The following ZNF439 variants were observed in gnomAD, a reference collection of about 807,000 sequenced individuals.
ZNF439 encodes the protein zinc finger protein 439.
A neutral mutation model predicts 47.3 loss-of-function variants in ZNF439; 40 were observed. The observed-to-expected ratio is 0.85, with a 90% CI of 0.66 to 1.10. ZNF439 has a LOEUF of 1.10. Among genes scored for constraint, ZNF439 ranks in the 50% least tolerant of loss-of-function variants. The pLI, the probability that ZNF439 is intolerant of heterozygous loss-of-function variation, is 0.00. For missense variants in ZNF439, 556 were observed against 601.1 expected (o/e 0.93, Z 0.78); for synonymous variants, 171 against 198.8 (o/e 0.86, Z 1.18).
chr19:11,867,397 CAGA>C lies in ZNF439; in HGVS notation c.351_353del (p.Lys118del). 1 of 1,613,934 alleles carries C rather than the reference CAGA, an allele frequency of 6.2e-7. No individual in the cohort carries two copies. The highest frequency in any genetic ancestry group is 8.5e-7 in the Non-Finnish European group (1 of 1,179,858). ...AGTTCCAGATGACAGGCTGAACTTC[CAGA>C]AGAAGAAAGCTTCTCCTGAAGTAAA... On this transcript the variant is annotated inframe_deletion, in exon 4 of 4. Coordinates refer to ENST00000682736, the MANE Select transcript of ZNF439 (RefSeq NM_001348719.2).
In ZNF439 at chr19:11,866,337, G is replaced by T; in HGVS notation, c.190+6G>T. On this transcript the variant is annotated splice_donor_region_variant and intron_variant, in intron 2 of 3. Transcript: ENST00000682736. Reference sequence around the variant, plus strand: ...CTGGAACCTGACCTCTATAGGTAAGGATGACAATATTCCTTCCCTCAGTGC... The same window carrying T: ...CTGGAACCTGACCTCTATAGGTAAGTATGACAATATTCCTTCCCTCAGTGC... The T allele has an allele frequency of 6.2e-7, 1 of 1,614,096 alleles. No homozygotes were observed. Among genetic ancestry groups the T allele is most frequent in the Non-Finnish European group, 8.5e-7 (1 of 1,179,998 alleles).
chr19:11,851,455 A>G (rs1976238360), intron 1 of ZNF439, among the ~76,000 whole-genome samples: 1 of 152,160 alleles, frequency 6.6e-6, no homozygotes. Flanking sequence ...AGGCATCTTC[A>G]GGCTGTTTTC....
chr19:11,855,577 A>G (rs1017707247), intron 1 of ZNF439, among the ~76,000 whole-genome samples: 3 of 152,140 alleles, frequency 2.0e-5, no homozygotes, highest in Non-Finnish European at 4.4e-5. Context: ...TAACTGTTCT[A>G]TGCCATGGGG....
chr19:11,865,118 A>G (rs1244934534), intron 1 of ZNF439, among the ~76,000 whole-genome samples: 1 of 152,172 alleles, frequency 6.6e-6, no homozygotes, highest in Non-Finnish European at 1.5e-5. Context: ...ATTCCATTGT[A>G]TGTATATGCT....
intron 1 of ZNF439, chr19:11,858,302 C>G (rs930276226): frequency 7.1e-6 from 1 of 140,142 alleles, no homozygotes; most frequent in African/African-American, 2.6e-5. Flanking sequence ...ACTAAAAATA[C>G]AAAAAAAAAA....
chr19:11,867,968 G>C lies in ZNF439; in HGVS notation c.914G>C (p.Cys305Ser). 1 of 1,614,172 alleles carries C rather than the reference G, an allele frequency of 6.2e-7. No homozygotes were observed. The highest frequency in any genetic ancestry group is 1.1e-5 in the South Asian group (1 of 91,088). Residue 305 changes from cysteine to serine, a missense_variant, in exon 4 of 4, where the codon TGT becomes TCT. Physicochemically the swap from Cys to Ser is moderately radical, Grantham distance 112. Coordinates refer to ENST00000682736, the MANE Select transcript of ZNF439 (RefSeq NM_001348719.2). ...CACATGGGAGAGAAGGCTTATCAAT[G>C]TAAGGAATGTGGAAAAGCATTCATG... ...RSHMGEKAYQ[C>S]KECGKAFMCP...
chr19:11,868,123 A>G lies in ZNF439; in HGVS notation c.1069A>G (p.Arg357Gly). 6.2e-7 allele frequency: 1 copy of G among 1,614,232 alleles called. No individual in the cohort carries two copies. The highest frequency in any genetic ancestry group is 1.1e-5 in the South Asian group (1 of 91,082). ...QTHIRMHSGE[R>G]PYECKTCGKG... ...ACACATAAGAATGCACTCTGGAGAA[A>G]GACCTTATGAATGTAAGACATGTGG... The change falls in exon 4 of 4, where the codon AGA becomes GGA. Residue 357 changes from arginine to glycine, a missense_variant. Transcript: ENST00000682736.
intron 1 of ZNF439, among the ~76,000 whole-genome samples, chr19:11,861,855 T>C (rs1976549922): frequency 6.6e-6 from 1 of 152,150 alleles, no homozygotes; most frequent in Admixed American, 6.5e-5. Flanking sequence ...CGTAAAAGTA[T>C]GTGTGCTGCT....
rs570636623 is a variant in ZNF439, at chr19:11,869,172, C to T, written c.*603C>T. The T allele has an allele frequency of 3.4e-5, 7 of 206,784 alleles. No homozygotes were observed. The highest frequency in any genetic ancestry group is 6.4e-5 in the Non-Finnish European group (6 of 94,288). The allele number at this position is 206,784 out of a possible 1,614,324, so 12.8% of individuals were successfully genotyped here. A position where few individuals can be genotyped will look rare whatever the true frequency, so the allele number is the denominator to read the frequency against. On this transcript the variant is annotated 3_prime_UTR_variant, in exon 4 of 4. Transcript: ENST00000682736. ...ATGAATGTAAGCAATGTGGCAAAAGCTTTCACTTCTTCCAGTTCTTTTCAA... is the reference window on the plus strand; with the variant it reads ...ATGAATGTAAGCAATGTGGCAAAAGTTTTCACTTCTTCCAGTTCTTTTCAA...
Position 11,866,284 on chromosome 19 carries a change from T to A in ZNF439, c.143T>A (p.Leu48His). Residue 48 changes from leucine to histidine, a missense_variant, in exon 2 of 4, where the codon CTC (leucine) becomes CAC (histidine). Leu to His is a moderately conservative substitution (Grantham distance 99). Coordinates refer to ENST00000682736, the MANE Select transcript of ZNF439 (RefSeq NM_001348719.2). ...TTGCTGGATATTTCCCAGAAGAATC[T>A]CTACAGGGAAGTGATGCTGGAAACT... ...WALLDISQKN[L>H]YREVMLETFW... 1 of 1,614,092 alleles carries A rather than the reference T, an allele frequency of 6.2e-7. No homozygotes were observed. Among genetic ancestry groups the A allele is most frequent in the Non-Finnish European group, 8.5e-7 (1 of 1,180,018 alleles).
intron 1 of ZNF439, chr19:11,850,863 C>T (rs1039146179): frequency 6.6e-6 from 1 of 152,162 alleles, no homozygotes; most frequent in African/African-American, 2.4e-5. Flanking sequence ...AACCCCGTCT[C>T]TTCCAAAAAT....
intron 1 of ZNF439, among the ~76,000 whole-genome samples, chr19:11,862,573 G>A (rs1187811393): frequency 6.6e-6 from 1 of 152,104 alleles, no homozygotes; most frequent in African/African-American, 2.4e-5. Flanking sequence ...CCATAAGACC[G>A]TGCTTATTTT....
Position 11,848,931 on chromosome 19 carries a change from G to A in ZNF439, c.63+1G>A. On this transcript the variant is annotated splice_donor_variant, in intron 1 of 3. Transcript: ENST00000682736. LOFTEE classifies it high-confidence loss of function. ...CGGTACATCTGAAAGCCGGGAAATG[G>A]TGCGTGTGCTGGCCGGGAGTGGTGC... 2 of 1,566,080 alleles carry A rather than the reference G, an allele frequency of 1.3e-6. No individual in the cohort carries two copies. Among genetic ancestry groups the A allele is most frequent in the East Asian group, 2.4e-5 (1 of 42,028 alleles).
In ZNF439 at chr19:11,866,278, A is replaced by G. The variant is rs780055446; in HGVS notation, c.137A>G (p.Lys46Arg). ...EEWALLDISQ[K>R]NLYREVMLET... ...TGGGCTTTGCTGGATATTTCCCAGAAGAATCTCTACAGGGAAGTGATGCTG... is the reference window on the plus strand; with the variant it reads ...TGGGCTTTGCTGGATATTTCCCAGAGGAATCTCTACAGGGAAGTGATGCTG... Residue 46 changes from lysine (K) to arginine (R), a missense_variant, in exon 2 of 4, where the codon AAG (lysine) becomes AGG (arginine). By Grantham distance (26) the Lys-to-Arg change is conservative (BLOSUM62 2). Transcript: ENST00000682736. 4.5e-5 allele frequency: 72 copies of G among 1,614,068 alleles called. No homozygotes were observed. Among genetic ancestry groups the G allele is most frequent in the Non-Finnish European group, 5.9e-5 (70 of 1,180,032 alleles).
chr19:11,857,579 G>A (rs1976420696), intron 1 of ZNF439: 1 of 152,254 alleles, frequency 6.6e-6, no homozygotes, highest in African/African-American at 2.4e-5. Flanking sequence ...TGTCTCTGCT[G>A]AAGCATCTGT....
chr19:11,865,080 A>T (rs1297398294), intron 1 of ZNF439, among the ~76,000 whole-genome samples: 2 of 152,196 alleles, frequency 1.3e-5, no homozygotes, highest in African/African-American at 2.4e-5. Context: ...GCACCAGGCC[A>T]AGATGTTATT....
chr19:11,854,978 T>C (rs965839710), intron 1 of ZNF439, among the ~76,000 whole-genome samples: 4 of 152,154 alleles, frequency 2.6e-5, no homozygotes, highest in Non-Finnish European at 4.4e-5. Flanking sequence ...TATTATTGGA[T>C]AGTATCCCAA....
Position 11,867,967 on chromosome 19 carries a change from T to G in ZNF439, c.913T>G (p.Cys305Gly). The change falls in exon 4 of 4, where the codon TGT becomes GGT. Residue 305 changes from cysteine (C) to glycine (G), a missense_variant. Coordinates refer to ENST00000682736, the MANE Select transcript of ZNF439 (RefSeq NM_001348719.2). ...TCACATGGGAGAGAAGGCTTATCAATGTAAGGAATGTGGAAAAGCATTCAT... is the reference window on the plus strand; with the variant it reads ...TCACATGGGAGAGAAGGCTTATCAAGGTAAGGAATGTGGAAAAGCATTCAT... ...RSHMGEKAYQCKECGKAFMCP... is the reference protein window; with the variant it reads ...RSHMGEKAYQGKECGKAFMCP... The G allele has an allele frequency of 6.2e-7, 1 of 1,614,166 alleles. No homozygotes were observed. The highest frequency in any genetic ancestry group is 8.5e-7 in the Non-Finnish European group (1 of 1,180,040).
chr19:11,853,429 G>A (rs966474707), intron 1 of ZNF439, among the ~76,000 whole-genome samples: 3 of 152,168 alleles, frequency 2.0e-5, no homozygotes, highest in Non-Finnish European at 4.4e-5. Flanking sequence ...CATGTTTACT[G>A]AGTAAAGGGG....
Sources: allele counts gnomAD v4.1 joint callset (sites outside exome capture counted in the v4.1 genomes callset), GRCh38; gene constraint gnomAD v4.1.1; transcripts MANE v1.5; gene names NCBI Gene and HGNC (gene_info 2026-07-23, HGNC 2026-07-21).